The following THSD7B variants were observed in gnomAD, a reference collection of about 807,000 sequenced individuals.
The protein encoded by THSD7B is thrombospondin type-1 domain-containing protein 7B.
Under a neutral mutation model 213.6 loss-of-function variants are expected in THSD7B, and 138 were observed. That is an observed-to-expected ratio of 0.65 (90% CI 0.56 to 0.74). The LOEUF is 0.74. Ranked by LOEUF, THSD7B falls within the 30% of genes least tolerant of loss-of-function variation. THSD7B has a pLI of 0.00. For synonymous variants in THSD7B, 742 were observed against 687.0 expected, an observed-to-expected ratio of 1.08 and a Z score of -1.25; for missense variants, 1,931 against 1,991.5, an observed-to-expected ratio of 0.97 and a Z score of 0.58.
At chr2:137,416,816 T>A (rs999101988) in intron 14 of THSD7B, among the ~76,000 whole-genome samples, 2 of 152,218 alleles carry the variant, frequency 1.3e-5, no homozygotes, top group Non-Finnish European at 1.5e-5. Context: ...GCCCTCGATG[T>A]ATAGTTTGGG....
At chr2:137,407,727 A>G (rs1215311944) in intron 13 of THSD7B, among the ~76,000 whole-genome samples, 2 of 152,132 alleles carry the variant, frequency 1.3e-5, no homozygotes, top group African/African-American at 4.8e-5. Flanking sequence ...CACTTCATTG[A>G]ATATGGGGCC....
intron 15 of THSD7B, among the ~76,000 whole-genome samples, chr2:137,552,610 A>G (rs1680872241): frequency 6.6e-6 from 1 of 152,210 alleles, no homozygotes; most frequent in Non-Finnish European, 1.5e-5. Context: ...CTGGCCAGAT[A>G]CTATTAATGG....
chr2:137,025,064 G>A (rs151292755), intron 2 of THSD7B, among the ~76,000 whole-genome samples: 15 of 152,208 alleles, frequency 9.9e-5, no homozygotes, highest in East Asian at 3.9e-4. Flanking sequence ...TAGCCCATCC[G>A]TACCAGTCTT....
At chr2:136,885,675 C>T (rs1683705266) in intron 2 of THSD7B, among the ~76,000 whole-genome samples, 1 of 152,150 alleles carries the variant, frequency 6.6e-6, no homozygotes. Flanking sequence ...AAAAATTCCT[C>T]AGTTTTGGTT....
At chr2:136,862,780 A>T (rs908414738) in intron 1 of THSD7B, among the ~76,000 whole-genome samples, 12 of 152,210 alleles carry the variant, frequency 7.9e-5, no homozygotes, top group Non-Finnish European at 1.6e-4. Context: ...TTCCTCCTGA[A>T]TATGAGCAGA....
chr2:137,641,336 T>C (rs881639), intron 20 of THSD7B, among the ~76,000 whole-genome samples: 67,306 of 152,014 alleles, frequency 0.44, 15,667 homozygotes, highest in South Asian at 0.53. Context: ...TCATGTCTGA[T>C]TTACATCTTT....
chr2:137,618,582 C>A, intron 19 of THSD7B, 75 bp downstream of exon 19: 1 of 1,304,530 alleles, frequency 7.7e-7, no homozygotes, highest in Non-Finnish European at 1.1e-6. Context: ...CCATGATGTC[C>A]AATATAGATA....
intron 17 of THSD7B, among the ~76,000 whole-genome samples, chr2:137,592,182 A>G (rs1355913482): frequency 6.6e-6 from 1 of 151,820 alleles, no homozygotes; most frequent in Non-Finnish European, 1.5e-5. Flanking sequence ...AAAAACTTAA[A>G]TACATATTTC....
intron 14 of THSD7B, among the ~76,000 whole-genome samples, chr2:137,428,311 T>G (rs928305544): frequency 4.6e-5 from 7 of 152,122 alleles, no homozygotes; most frequent in Non-Finnish European, 7.4e-5. Context: ...CAGGTGTTGG[T>G]GAGGATATGA....
At chr2:137,118,393 G>A (rs543493605) in intron 5 of THSD7B, among the ~76,000 whole-genome samples, 1 of 152,276 alleles carries the variant, frequency 6.6e-6, no homozygotes, top group East Asian at 1.9e-4. Context: ...GTATGGGAAT[G>A]TGGCCTAGAG....
chr2:136,812,941 T>G (rs1682406838), intron 1 of THSD7B, among the ~76,000 whole-genome samples: 1 of 152,326 alleles, frequency 6.6e-6, no homozygotes, highest in South Asian at 2.1e-4. Context: ...ACTGGGCAAA[T>G]AAGAATCTAT....
chr2:137,588,356 A>G (rs536699839), intron 17 of THSD7B, among the ~76,000 whole-genome samples: 1 of 152,264 alleles, frequency 6.6e-6, no homozygotes, highest in South Asian at 2.1e-4. Flanking sequence ...CCCATTGTCC[A>G]ACAAGCCCCA....
At chr2:137,385,594 G>A (rs193203856) in intron 12 of THSD7B, among the ~76,000 whole-genome samples, 11 of 152,278 alleles carry the variant, frequency 7.2e-5, no homozygotes, top group East Asian at 3.9e-4. Context: ...AGCTTGCACC[G>A]TCTATGTGTA....
chr2:136,976,400 G>A (rs1685481661), intron 2 of THSD7B, among the ~76,000 whole-genome samples: 1 of 152,130 alleles, frequency 6.6e-6, no homozygotes, highest in East Asian at 1.9e-4. Flanking sequence ...TTCTATTGAA[G>A]TCCTTTTCTG....
At chr2:137,508,376 A>ATTTTTTT (rs11383871) in intron 15 of THSD7B, among the ~76,000 whole-genome samples, 3 of 107,950 alleles carry the variant, frequency 2.8e-5, no homozygotes, top group East Asian at 2.6e-4. Context: ...AAATAAAACA[A>ATTTTTTT]TTTTTTTTTT....
intron 17 of THSD7B, among the ~76,000 whole-genome samples, chr2:137,604,617 A>C (rs1682137592): frequency 6.6e-6 from 1 of 152,160 alleles, no homozygotes; most frequent in Non-Finnish European, 1.5e-5. Context: ...ATTCCCATGG[A>C]AACTCACAGT....
chr2:137,171,588 C>T (rs1286769834), intron 7 of THSD7B, among the ~76,000 whole-genome samples: 13 of 152,072 alleles, frequency 8.5e-5, no homozygotes, highest in Admixed American at 8.5e-4. Context: ...ACATGTAAAA[C>T]CTTGATCCTG....
intron 18 of THSD7B, 59 bp from the exon 19 acceptor site, chr2:137,618,333 G>A (rs1573746351): frequency 2.2e-6 from 3 of 1,334,020 alleles, no homozygotes. Context: ...AAGGTCTGTT[G>A]TATTTTGCTC....
chr2:137,476,511 G>A (rs1227305268), intron 15 of THSD7B, among the ~76,000 whole-genome samples: 1 of 151,906 alleles, frequency 6.6e-6, no homozygotes, highest in Non-Finnish European at 1.5e-5. Flanking sequence ...GAGAGATAGG[G>A]GTCTAGATTA....
Sources: allele counts gnomAD v4.1 joint callset (sites outside exome capture counted in the v4.1 genomes callset), GRCh38; gene constraint gnomAD v4.1.1; transcripts MANE v1.5; gene names NCBI Gene and HGNC (gene_info 2026-07-23, HGNC 2026-07-21).